Variants in KCNC4 observed in about 807,000 individuals in gnomAD.
The protein encoded by KCNC4 is potassium voltage-gated channel subfamily C member 4, also known as voltage-gated potassium channel KCNC4.
KCNC4 carries 23 observed loss-of-function variants against 42.8 expected under a neutral mutation model. The observed-to-expected ratio is 0.54, with a 90% confidence interval of 0.39 to 0.76. The LOEUF (loss-of-function observed/expected upper bound fraction) is 0.76, where lower values mean the gene tolerates loss of function less well. Ranked by LOEUF, KCNC4 falls within the 30% of genes least tolerant of loss-of-function variation. The pLI, the probability that KCNC4 is intolerant of heterozygous loss-of-function variation, is 0.00. For missense variants in KCNC4, 751 were observed against 898.2 expected (o/e 0.84, Z 2.10); for synonymous variants, 422 against 393.5 (o/e 1.07, Z -0.86).
intron 1 of KCNC4, among the ~76,000 whole-genome samples, chr1:110,265,634 GA>G (rs1173010230): frequency 1.3e-5 from 2 of 152,174 alleles, no homozygotes; most frequent in African/African-American, 4.8e-5. Flanking sequence ...GGTTTGGAGA[GA>G]AAGGCCCAAT....
intron 3 of KCNC4, among the ~76,000 whole-genome samples, chr1:110,229,691 C>T (rs1053380211): frequency 1.3e-5 from 2 of 152,152 alleles, no homozygotes; most frequent in Non-Finnish European, 2.9e-5. Flanking sequence ...TTGTGAGTCA[C>T]TGGGTGAGCA....
intron 1 of KCNC4, among the ~76,000 whole-genome samples, chr1:110,218,202 G>C (rs991926312): frequency 1.3e-5 from 2 of 152,168 alleles, no homozygotes; most frequent in African/African-American, 4.8e-5. Flanking sequence ...GCCTGTGCCA[G>C]ATTCCTGGAA....
At chr1:110,253,026 G>A (rs547913034), downstream of KCNC4, among the ~76,000 whole-genome samples, 3 of 152,136 alleles carry the variant, frequency 2.0e-5, no homozygotes, top group Admixed American at 1.3e-4. Flanking sequence ...ATATTTAGTG[G>A]GGCCTCCATG....
chr1:110,220,029 C>T (rs1658004356), intron 1 of KCNC4: 1 of 152,242 alleles, frequency 6.6e-6, no homozygotes, highest in South Asian at 2.1e-4. Context: ...GAGGCCCCAC[C>T]AAGGTTTCAA....
chr1:110,264,011 C>CA (rs1309680624), intron 1 of KCNC4, among the ~76,000 whole-genome samples: 1 of 151,892 alleles, frequency 6.6e-6, no homozygotes, highest in Non-Finnish European at 1.5e-5. Flanking sequence ...ACTTTGCATA[C>CA]AAAAAAAGAG....
At chr1:110,276,299 C>CAAA (rs3062031) in intron 1 of KCNC4, among the ~76,000 whole-genome samples, 12 of 98,882 alleles carry the variant, frequency 1.2e-4, no homozygotes, top group East Asian at 3.0e-4. Context: ...TCAATTTATA[C>CAAA]AAAAAAAAAA....
chr1:110,223,226 T>C lies in KCNC4; in HGVS notation c.941T>C (p.Leu314Pro). ...ACGCTGGACTTCGTCAAGAACCTGC[T>C]CAACATCATCGACTTTGTGGCCATC... The part of the protein sequence containing the change: ...PDTLDFVKNL[L>P]NIIDFVAILP... The change falls in exon 2 of 4, where the codon CTC (leucine) becomes CCC (proline). Residue 314 changes from leucine (L) to proline (P), a missense_variant. This residue lies in a region of KCNC4 where 185 missense variants were observed against 293.7 expected (regional missense o/e 0.63). Transcript: ENST00000438661. This position sits in a 1 kb window ranked among gnomAD's most constrained non-coding sequence, Gnocchi z 7.5. The C allele has an allele frequency of 6.2e-7, 1 of 1,614,226 alleles. No individual in the cohort carries two copies.
intron 1 of KCNC4, chr1:110,221,819 GGCA>G (rs1658109073): frequency 6.6e-6 from 1 of 152,260 alleles, no homozygotes; most frequent in African/African-American, 2.4e-5. Flanking sequence ...CAGGACAGGC[GGCA>G]GCAGGAGGCA....
chr1:110,255,480 G>A (rs535411538), intron 1 of KCNC4, among the ~76,000 whole-genome samples: 8 of 152,302 alleles, frequency 5.3e-5, no homozygotes, highest in Middle Eastern at 6.8e-3. Flanking sequence ...GATGCTTAGC[G>A]GGGCTGGAGA....
At chr1:110,220,451 A>G (rs1658033893) in intron 1 of KCNC4, 1 of 150,372 alleles carries the variant, frequency 6.7e-6, no homozygotes, top group South Asian at 2.1e-4. Flanking sequence ...CTATGAGAGG[A>G]TGGCCGGGGC....
At chr1:110,222,793 A>G in intron 1 of KCNC4, 171 bp from the exon 2 acceptor site, 1 of 587,734 alleles carries the variant, frequency 1.7e-6, no homozygotes, top group Non-Finnish European at 3.0e-6. Context: ...CCCCAAGCAT[A>G]TGGATAAAGA....
intron 1 of KCNC4, among the ~76,000 whole-genome samples, chr1:110,279,445 A>C (rs1009101594): frequency 2.0e-5 from 3 of 152,172 alleles, no homozygotes. Flanking sequence ...GAGAGACCCA[A>C]TAAACATTTG....
chr1:110,230,359 G>A (rs1022969644), intron 3 of KCNC4, among the ~76,000 whole-genome samples: 8 of 152,182 alleles, frequency 5.3e-5, no homozygotes, highest in African/African-American at 7.2e-5. Flanking sequence ...ATGGAGATGC[G>A]AGGGCCCCTC....
At chr1:110,268,487 T>C (rs1378194765) in intron 1 of KCNC4, among the ~76,000 whole-genome samples, 1 of 151,288 alleles carries the variant, frequency 6.6e-6, no homozygotes, top group Non-Finnish European at 1.5e-5. Flanking sequence ...GCGCCTGTAG[T>C]GCCAGCTACT....
At chr1:110,213,169 C>CGAAA (rs1557851520) in intron 1 of KCNC4, among the ~76,000 whole-genome samples, 1 of 17,772 alleles carries the variant, frequency 5.6e-5, no homozygotes, top group South Asian at 9.8e-4. Context: ...GCTTCGACAG[C>CGAAA]TAAAAAAAAA....
At chr1:110,230,777 C>G (rs1658654361) in intron 3 of KCNC4, among the ~76,000 whole-genome samples, 1 of 152,186 alleles carries the variant, frequency 6.6e-6, no homozygotes, top group Admixed American at 6.5e-5. Flanking sequence ...GACTGTCTGC[C>G]CTTACAACCT....
rs559601912 is a variant in KCNC4 at position 110,212,118 on chromosome 1, G to C, written c.619G>C (p.Gly207Arg). The C allele has an allele frequency of 5.3e-6, 8 of 1,501,930 alleles. No homozygotes were observed. The East Asian group carries it at 2.1e-4, about 39-fold the overall frequency. The allele number at this position is 1,501,930 out of a possible 1,614,324, so 93.0% of individuals were successfully genotyped here. A position where few individuals can be genotyped will look rare whatever the true frequency, so the allele number is the denominator to read the frequency against. ...GHGAGSGGCR[G>R]WQPRMWALFE... ...TGGCGCCGGGTCTGGGGGCTGCCGC[G>C]GCTGGCAGCCCCGCATGTGGGCGCT... Residue 207 changes from glycine (G) to arginine (R), a missense_variant, in exon 1 of 4, where the codon GGC becomes CGC. Physicochemically the swap from Gly to Arg is moderately radical, Grantham distance 125. Transcript: ENST00000438661.
downstream of KCNC4, among the ~76,000 whole-genome samples, chr1:110,249,656 T>G (rs1193680183): frequency 1.3e-5 from 2 of 152,240 alleles, no homozygotes; most frequent in African/African-American, 4.8e-5. Flanking sequence ...GAAGTGTCAC[T>G]GCTCTTGTCT....
intron 1 of KCNC4, among the ~76,000 whole-genome samples, chr1:110,214,524 G>A (rs961292972): frequency 1.3e-4 from 20 of 152,184 alleles, no homozygotes; most frequent in African/African-American, 4.3e-4. Flanking sequence ...ATACATTGCT[G>A]TATATACTTT....
Sources: allele counts gnomAD v4.1 joint callset (sites outside exome capture counted in the v4.1 genomes callset), GRCh38; gene constraint gnomAD v4.1.1; regional missense constraint gnomAD v4.1.1; non-coding constraint Gnocchi (gnomAD v3.1); transcripts MANE v1.5; gene names NCBI Gene and HGNC (gene_info 2026-07-23, HGNC 2026-07-21).